The following SRBD1 variants were observed in gnomAD, a reference collection of about 807,000 sequenced individuals.
SRBD1 encodes the protein S1 RNA-binding domain-containing protein 1.
SRBD1 carries 88 observed loss-of-function variants against 115.3 expected under a neutral mutation model. The ratio of observed to expected loss-of-function variants is 0.76; its 90% CI spans 0.64 to 0.91. The LOEUF (loss-of-function observed/expected upper bound fraction) is 0.91. Among genes scored for constraint, SRBD1 ranks in the 40% least tolerant of loss-of-function variants. The pLI is 0.00. For missense variants in SRBD1, 1,385 were observed against 1,177.4 expected (o/e 1.18, Z -2.58); for synonymous variants, 509 against 407.7 (o/e 1.25, Z -2.99).
At chr2:45,410,975 T>G (rs1050555238) in intron 19 of SRBD1, among the ~76,000 whole-genome samples, 1 of 152,186 alleles carries the variant, frequency 6.6e-6, no homozygotes, top group Non-Finnish European at 1.5e-5. Flanking sequence ...TTATAATAAG[T>G]GGATGAACAT....
At chr2:45,407,190 G>GT (rs1667461631) in intron 19 of SRBD1, among the ~76,000 whole-genome samples, 1 of 152,154 alleles carries the variant, frequency 6.6e-6, no homozygotes, top group South Asian at 2.1e-4. Context: ...GCTGTGTGAG[G>GT]TTTAAACATG....
chr2:45,482,071 A>G lies in SRBD1; in HGVS notation c.1967-4996T>C, dbSNP rs539452048. On this transcript the variant is annotated intron_variant, in intron 15 of 20. Coordinates refer to ENST00000263736, the MANE Select transcript of SRBD1 (RefSeq NM_018079.5). ...TGTGCAACTCTGACTATACTAGAAA[A>G]CACTGACTTGTACACTTTAAAAGGG... is the stretch of plus-strand genomic sequence containing the variant. Among the ~76,000 whole-genome samples the G allele has an allele frequency of 2.0e-5, 3 of 152,264 alleles. No homozygotes were observed. The South Asian group carries it at 6.2e-4, about 32-fold the overall frequency.
At chr2:45,437,885 T>C (rs1668547497) in intron 16 of SRBD1, among the ~76,000 whole-genome samples, 1 of 152,200 alleles carries the variant, frequency 6.6e-6, no homozygotes. Context: ...AAAGGCACAA[T>C]TCATAATAGA....
intron 19 of SRBD1, among the ~76,000 whole-genome samples, chr2:45,401,967 C>G (rs185774258): frequency 2.5e-4 from 38 of 152,306 alleles, no homozygotes; most frequent in African/African-American, 8.9e-4. Context: ...AGGCAATTCT[C>G]AAGGAGCAGT....
intron 16 of SRBD1, among the ~76,000 whole-genome samples, chr2:45,459,816 G>A (rs1374952631): frequency 6.6e-6 from 1 of 152,080 alleles, no homozygotes; most frequent in African/African-American, 2.4e-5. Flanking sequence ...CTCACTTTGG[G>A]GTCCAGGGCT....
At chr2:45,396,942 A>G (rs140589750) in intron 19 of SRBD1, among the ~76,000 whole-genome samples, 41 of 152,306 alleles carry the variant, frequency 2.7e-4, no homozygotes, top group African/African-American at 9.4e-4. Flanking sequence ...AAAACATATG[A>G]TTTACAACTC....
At chr2:45,458,271 AG>A (rs1669214544) in intron 16 of SRBD1, among the ~76,000 whole-genome samples, 1 of 152,146 alleles carries the variant, frequency 6.6e-6, no homozygotes, top group African/African-American at 2.4e-5. Context: ...GAGCGTGATT[AG>A]AAAACATTTG....
chr2:45,505,892 C>G (rs573637870), intron 14 of SRBD1, among the ~76,000 whole-genome samples: 1 of 152,270 alleles, frequency 6.6e-6, no homozygotes, highest in African/African-American at 2.4e-5. Context: ...TGCCTAATCC[C>G]TCCTCCCAGT....
At chr2:45,487,880 C>T (rs1196295650) in intron 15 of SRBD1, among the ~76,000 whole-genome samples, 7 of 152,014 alleles carry the variant, frequency 4.6e-5, no homozygotes, top group African/African-American at 1.7e-4. Flanking sequence ...TCTTGAACTC[C>T]TGACCTCGTG....
rs1316449540 is a variant in SRBD1, at chr2:45,397,122, A to G, written c.2514-3993T>C. On this transcript the variant is annotated intron_variant, in intron 19 of 20. Transcript: ENST00000263736. ...GCAAGAACACATCATTTTAGAAATG[A>G]ATAGGTACAGGTAGACAGAGCAGGT... Among the ~76,000 whole-genome samples, 3 of 152,226 alleles carry G rather than the reference A, an allele frequency of 2.0e-5. No homozygotes were observed. The South Asian group carries it at 6.2e-4, about 32-fold the overall frequency.
chr2:45,390,721 G>C (rs573213346), intron 20 of SRBD1, among the ~76,000 whole-genome samples: 1 of 152,116 alleles, frequency 6.6e-6, no homozygotes, highest in Non-Finnish European at 1.5e-5. Flanking sequence ...CTTTACATTT[G>C]TATTAACAAC....
intron 9 of SRBD1, 150 bp downstream of exon 9, chr2:45,573,057 G>A (rs1673069702): frequency 2.3e-6 from 2 of 851,256 alleles, no homozygotes; most frequent in Admixed American, 3.9e-5. Context: ...TTGTGAAGCG[G>A]CAAGGATATG....
At chr2:45,446,752 C>A (rs1453138216) in intron 16 of SRBD1, among the ~76,000 whole-genome samples, 1 of 150,580 alleles carries the variant, frequency 6.6e-6, no homozygotes, top group Non-Finnish European at 1.5e-5. Context: ...CCCCAAACTT[C>A]CAAAAATTAA....
intron 1 of SRBD1, among the ~76,000 whole-genome samples, chr2:45,606,294 G>C (rs956141617): frequency 5.3e-5 from 8 of 151,820 alleles, no homozygotes; most frequent in Non-Finnish European, 8.8e-5. Flanking sequence ...CTAGTAGCTG[G>C]GATTACAGGC....
At chr2:45,416,528 T>G (rs1405284355) in intron 18 of SRBD1, among the ~76,000 whole-genome samples, 1 of 152,142 alleles carries the variant, frequency 6.6e-6, no homozygotes, top group Non-Finnish European at 1.5e-5. Flanking sequence ...AATAAAAAAT[T>G]AGAAATCTAT....
intron 15 of SRBD1, among the ~76,000 whole-genome samples, chr2:45,487,665 A>G (rs1479884064): frequency 1.3e-5 from 2 of 151,964 alleles, no homozygotes; most frequent in Non-Finnish European, 2.9e-5. Flanking sequence ...TATTACTAGT[A>G]TTATTATTTG....
At chr2:45,553,781 C>A in intron 10 of SRBD1, 51 bp from the exon 11 acceptor site, 2 of 1,206,054 alleles carry the variant, frequency 1.7e-6, no homozygotes, top group South Asian at 1.8e-5. Flanking sequence ...TAAATAAGGC[C>A]ATAAAAAGGC....
chr2:45,577,005 T>C lies in SRBD1; in HGVS notation c.1073-2282A>G, dbSNP rs535810643. ...GTCCAAGGACCCAAAAATAAAATCATACCAGGTACTTGTTAAAACTATGAA... is the reference window on the plus strand; with the variant it reads ...GTCCAAGGACCCAAAAATAAAATCACACCAGGTACTTGTTAAAACTATGAA... On this transcript the variant is annotated intron_variant, in intron 7 of 20. Transcript: ENST00000263736. 7.9e-5 allele frequency among the ~76,000 whole-genome samples: 12 copies of C among 152,320 alleles called. No homozygotes were observed. The South Asian group carries it at 2.3e-3, about 29-fold the overall frequency.
chr2:45,588,112 C>T (rs1365866673), intron 4 of SRBD1, among the ~76,000 whole-genome samples: 3 of 152,180 alleles, frequency 2.0e-5, no homozygotes, highest in Non-Finnish European at 4.4e-5. Context: ...ATAGCTTTTA[C>T]CTGTTCTCCC....
Sources: gnomAD v4.1 joint callset for allele counts (sites outside exome capture counted in the v4.1 genomes callset) on GRCh38, gnomAD v4.1.1 for gene constraint, MANE v1.5 for transcripts, NCBI Gene and HGNC (gene_info 2026-07-23, HGNC 2026-07-21) for gene names.